Variants in RNASE4 observed in about 807,000 individuals in gnomAD.
The protein encoded by RNASE4 is ribonuclease 4.
For missense variants in RNASE4, 194 were observed against 192.8 expected (o/e 1.01, Z -0.04); for synonymous variants, 93 against 71.4 (o/e 1.30, Z -1.52).
At chr14:20,697,450 T>G (rs774269989) in intron 1 of RNASE4, among the ~76,000 whole-genome samples, 1 of 152,218 alleles carries the variant, frequency 6.6e-6, no homozygotes, top group Non-Finnish European at 1.5e-5. Flanking sequence ...ATCTCACATC[T>G]ACAGCTGCAG....
intron 1 of RNASE4, chr14:20,694,118 T>A: frequency 8.4e-7 from 1 of 1,184,260 alleles, no homozygotes; most frequent in Non-Finnish European, 1.3e-6. Flanking sequence ...AAGAAAGAGC[T>A]ACCTGGACCT....
Position 20,699,678 on chromosome 14 carries a change from G to T in RNASE4, c.307G>T (p.Val103Leu). 2 of 1,610,630 alleles carry T rather than the reference G, an allele frequency of 1.2e-6. No homozygotes were observed. Among genetic ancestry groups the T allele is most frequent in the Non-Finnish European group, 1.7e-6 (2 of 1,180,022 alleles). The change falls in exon 2 of 2, where the codon GTA becomes TTA. Residue 103 changes from valine to leucine, a missense_variant. Val to Leu is a conservative substitution (Grantham distance 32). Transcript: ENST00000555835. ...CGGCAAGATGAACTGCCATGAGGGT[G>T]TAGTGAAGGTCACAGATTGCAGGGA... ...KNGKMNCHEG[V>L]VKVTDCRDTG...
At position 20,699,854 on chromosome 14, in the gene RNASE4, AC is replaced by A. The variant is rs1260745584; in HGVS notation, c.*40del. The A allele has an allele frequency of 1.1e-5, 17 of 1,566,916 alleles. No individual in the cohort carries two copies. The highest frequency in any genetic ancestry group is 1.5e-5 in the Non-Finnish European group (17 of 1,142,246). ...GGGATTATCGCGAGTGGTTGACCTT[AC>A]ACTTACTCCTTAAATAGCAGTGAGT... On this transcript the variant is annotated 3_prime_UTR_variant, in exon 2 of 2. Coordinates refer to ENST00000555835, the MANE Select transcript of RNASE4 (RefSeq NM_002937.5).
rs1241153030 is a variant in RNASE4 at position 20,699,616 on chromosome 14, G to T, written c.245G>T (p.Arg82Leu). Residue 82 changes from arginine to leucine, a missense_variant, in exon 2 of 2, where the codon CGT becomes CTT. Physicochemically the swap from Arg to Leu is moderately radical, Grantham distance 102. Transcript: ENST00000555835. The stretch of plus-strand genomic sequence containing the variant: ...ATCCATGAAGATATCTGGAACATTC[G>T]TAGTATCTGCAGCACCACCAATATC... ...TFIHEDIWNIRSICSTTNIQC... is the reference protein window; with the variant it reads ...TFIHEDIWNILSICSTTNIQC... The T allele has an allele frequency of 5.6e-6, 9 of 1,613,834 alleles. No homozygotes were observed. Among genetic ancestry groups the T allele is most frequent in the Non-Finnish European group, 7.6e-6 (9 of 1,180,032 alleles).
intron 1 of RNASE4, chr14:20,694,037 C>T (rs746829799): frequency 2.5e-6 from 4 of 1,612,710 alleles, no homozygotes; most frequent in Non-Finnish European, 2.5e-6. Flanking sequence ...AGTGCTGGCT[C>T]TGCTGTCCTT....
intron 1 of RNASE4, among the ~76,000 whole-genome samples, chr14:20,687,126 G>A (rs567026774): frequency 6.6e-6 from 1 of 152,210 alleles, no homozygotes; most frequent in Non-Finnish European, 1.5e-5. Context: ...AAGATGTGAT[G>A]TTCCTTAATC....
Position 20,700,080 on chromosome 14 carries a change from AT to A in RNASE4, c.*268del, listed in dbSNP as rs1383911477. 3.1e-5 allele frequency: 14 copies of A among 448,178 alleles called. No individual in the cohort carries two copies. In the Admixed American group the frequency reaches 5.5e-4, roughly 18 times the overall value. The allele number at this position is 448,178 out of a possible 1,614,324, so 27.8% of individuals were successfully genotyped here. On this transcript the variant is annotated 3_prime_UTR_variant, in exon 2 of 2. Coordinates refer to ENST00000555835, the MANE Select transcript of RNASE4 (RefSeq NM_002937.5). ...GCTCTCTCAGATCCTATCCTGTGGA[AT>A]TTAGTTATTATGTGTATTTATGTAG... is the stretch of plus-strand genomic sequence containing the variant.
At chr14:20,688,033 C>T (rs1886505175) in intron 1 of RNASE4, among the ~76,000 whole-genome samples, 1 of 152,198 alleles carries the variant, frequency 6.6e-6, no homozygotes, top group Non-Finnish European at 1.5e-5. Flanking sequence ...TGTTTTTACG[C>T]AAGCAATGGA....
At chr14:20,691,812 TAGAA>T (rs1296314788) in intron 1 of RNASE4, among the ~76,000 whole-genome samples, 1 of 152,188 alleles carries the variant, frequency 6.6e-6, no homozygotes, top group Non-Finnish European at 1.5e-5. Context: ...AAATGCAAAT[TAGAA>T]AGAGAGCCCA....
chr14:20,694,237 C>T, intron 1 of RNASE4: 1 of 606,640 alleles, frequency 1.6e-6, no homozygotes, highest in Non-Finnish European at 3.0e-6. Context: ...CCCATTTTCT[C>T]TACTTGGCTG....
intron 1 of RNASE4, among the ~76,000 whole-genome samples, chr14:20,689,934 G>A (rs1442929769): frequency 7.0e-6 from 1 of 142,736 alleles, no homozygotes; most frequent in African/African-American, 2.7e-5. Flanking sequence ...AAAAAAAACA[G>A]GCCGGGCGCG....
At chr14:20,695,506 T>C (rs1887061604) in intron 1 of RNASE4, among the ~76,000 whole-genome samples, 1 of 152,250 alleles carries the variant, frequency 6.6e-6, no homozygotes, top group African/African-American at 2.4e-5. Context: ...ACACTCTTTG[T>C]AAAATACACT....
intron 1 of RNASE4, 92 bp downstream of exon 1, chr14:20,684,850 G>C (rs1470205859): frequency 6.6e-6 from 1 of 152,552 alleles, no homozygotes; most frequent in African/African-American, 2.4e-5. Context: ...GAGGCAGCTT[G>C]GGACTCCTTG....
Position 20,694,027 on chromosome 14 carries a change from A to T in RNASE4, c.-17-5328A>T, listed in dbSNP as rs1886974250. 8 of 1,613,886 alleles carry T rather than the reference A, an allele frequency of 5.0e-6. No individual in the cohort carries two copies. In the East Asian group the frequency reaches 1.6e-4, roughly 31 times the overall value. ...TCCGTAACCAGCGGGCCCCTGGTCAAGTGCTGGCTCTGCTGTCCTTGCCTT... is the reference window on the plus strand; with the variant it reads ...TCCGTAACCAGCGGGCCCCTGGTCATGTGCTGGCTCTGCTGTCCTTGCCTT... On this transcript the variant is annotated intron_variant, in intron 1 of 1. Coordinates refer to ENST00000555835, the MANE Select transcript of RNASE4 (RefSeq NM_002937.5).
rs117978329 is a variant in RNASE4 at position 20,684,736 on chromosome 14, T to C, written c.-40T>C. ...TTCTTTCCATTGTCCTGCCCGTTTC[T>C]GCGGACTTGTTCTGAGGCCGAGGTA... On this transcript the variant is annotated 5_prime_UTR_variant, in exon 1 of 2. Transcript: ENST00000555835. 3,868 of 152,678 alleles carry C rather than the reference T, an allele frequency of 0.025. 66 individuals are homozygous for C. Among genetic ancestry groups the C allele is most frequent in the South Asian group, 0.042 (204 of 4,838 alleles). 9.5% of individuals were successfully genotyped at this position (152,678 alleles called of 1,614,324 possible). A position where few individuals can be genotyped will look rare whatever the true frequency, so the allele number is the denominator to read the frequency against.
At chr14:20,694,247 G>A in intron 1 of RNASE4, 2 of 600,092 alleles carry the variant, frequency 3.3e-6, no homozygotes, top group East Asian at 2.9e-5. Flanking sequence ...CTACTTGGCT[G>A]CTCCCTGAGA....
At chr14:20,690,774 AT>A (rs1345011680) in intron 1 of RNASE4, among the ~76,000 whole-genome samples, 1 of 152,228 alleles carries the variant, frequency 6.6e-6, no homozygotes, top group Non-Finnish European at 1.5e-5. Context: ...AATGAAGTCA[AT>A]TACTTAAAAA....
chr14:20,699,884 G>A lies in RNASE4; in HGVS notation c.*69G>A. The A allele has an allele frequency of 7.3e-7, 1 of 1,365,236 alleles. No homozygotes were observed. The highest frequency in any genetic ancestry group is 1.0e-6 in the Non-Finnish European group (1 of 967,680). 84.6% of individuals were successfully genotyped at this position (1,365,236 alleles called of 1,614,324 possible). On this transcript the variant is annotated 3_prime_UTR_variant, in exon 2 of 2. Transcript: ENST00000555835. ...TACTCCTTAAATAGCAGTGAGTAAT[G>A]CATTTGAGCTGTCCCAGGCTCTGTC...
chr14:20,691,427 C>G (rs1269007679), intron 1 of RNASE4, among the ~76,000 whole-genome samples: 4 of 152,192 alleles, frequency 2.6e-5, no homozygotes, highest in Non-Finnish European at 4.4e-5. Context: ...AGGAAACACA[C>G]CCAGGAGACT....
Sources: gnomAD v4.1 joint callset for allele counts (sites outside exome capture counted in the v4.1 genomes callset) on GRCh38, gnomAD v4.1.1 for gene constraint, MANE v1.5 for transcripts, NCBI Gene and HGNC (gene_info 2026-07-23, HGNC 2026-07-21) for gene names.